SMAD9: variants seen among roughly 807,000 people sequenced by gnomAD.
The protein encoded by SMAD9 is SMAD family member 9.
A neutral mutation model predicts 46.1 loss-of-function variants in SMAD9; 36 were observed. That is an observed-to-expected ratio of 0.78 (90% CI 0.60 to 1.03). The LOEUF (loss-of-function observed/expected upper bound fraction) is 1.03. Ranked by LOEUF, SMAD9 falls within the 50% of genes least tolerant of loss-of-function variation. SMAD9 has a pLI of 0.00. For synonymous variants in SMAD9, 245 were observed against 237.1 expected, an observed-to-expected ratio of 1.03 and a Z score of -0.31; for missense variants, 572 against 599.8, an observed-to-expected ratio of 0.95 and a Z score of 0.48.
chr13:36,868,849 C>T (rs569089464), intron 3 of SMAD9, among the ~76,000 whole-genome samples: 2 of 152,082 alleles, frequency 1.3e-5, no homozygotes, highest in Non-Finnish European at 2.9e-5. Context: ...TTACTAGAGC[C>T]AAAAGGTGGG....
At chr13:36,864,301 C>G (rs139238428) in intron 5 of SMAD9, among the ~76,000 whole-genome samples, 1 of 152,192 alleles carries the variant, frequency 6.6e-6, no homozygotes, top group African/African-American at 2.4e-5. Context: ...TCACCACCAT[C>G]TTCTCCAGCT....
At chr13:36,885,690 G>C (rs750175840) in intron 1 of SMAD9, among the ~76,000 whole-genome samples, 2 of 151,688 alleles carry the variant, frequency 1.3e-5, no homozygotes, top group Non-Finnish European at 2.9e-5. Context: ...CAGAGACAGG[G>C]GAGCTCTATC....
intron 6 of SMAD9, chr13:36,851,675 A>G (rs1214151829): frequency 3.3e-6 from 3 of 906,514 alleles, no homozygotes; most frequent in Non-Finnish European, 4.0e-6. Flanking sequence ...AGAAACCTTA[A>G]AGAGATCTGA....
At chr13:36,916,472 A>C (rs1211011605) in intron 1 of SMAD9, among the ~76,000 whole-genome samples, 4 of 152,212 alleles carry the variant, frequency 2.6e-5, no homozygotes, top group Non-Finnish European at 5.9e-5. Flanking sequence ...GCTCAGATTC[A>C]ACACCAGCTT....
chr13:36,864,734 A>G (rs988646616), intron 5 of SMAD9, among the ~76,000 whole-genome samples: 1 of 152,210 alleles, frequency 6.6e-6, no homozygotes, highest in African/African-American at 2.4e-5. Context: ...GAATATTAGA[A>G]TGCATCACCA....
intron 6 of SMAD9, chr13:36,851,583 G>C (rs57098017): frequency 5.1e-6 from 1 of 194,616 alleles, no homozygotes; most frequent in Non-Finnish European, 9.4e-6. Context: ...CATGTCCCAC[G>C]TGCCTGGCCT....
chr13:36,899,687 G>A (rs2058557899), intron 1 of SMAD9, among the ~76,000 whole-genome samples: 1 of 152,186 alleles, frequency 6.6e-6, no homozygotes, highest in African/African-American at 2.4e-5. Context: ...TGGGTTCAGG[G>A]TCTGGAGCTC....
chr13:36,861,829 T>A (rs1474488858), intron 5 of SMAD9, among the ~76,000 whole-genome samples: 1 of 151,424 alleles, frequency 6.6e-6, no homozygotes, highest in African/African-American at 2.4e-5. Flanking sequence ...CTCAGGAGGC[T>A]GAGACAGGAG....
intron 1 of SMAD9, among the ~76,000 whole-genome samples, chr13:36,918,512 T>C (rs1218225302): frequency 6.6e-6 from 1 of 152,220 alleles, no homozygotes; most frequent in African/African-American, 2.4e-5. Flanking sequence ...CCACTAAAAG[T>C]TGTTTTTCGG....
chr13:36,890,891 A>AG (rs1440041976), intron 1 of SMAD9, among the ~76,000 whole-genome samples: 7 of 151,956 alleles, frequency 4.6e-5, no homozygotes, highest in African/African-American at 1.7e-4. Flanking sequence ...CTGGTGGCAG[A>AG]GCAGGAACAG....
At chr13:36,903,802 T>C (rs1279163684) in intron 1 of SMAD9, among the ~76,000 whole-genome samples, 1 of 152,186 alleles carries the variant, frequency 6.6e-6, no homozygotes, top group Non-Finnish European at 1.5e-5. Flanking sequence ...ACATCACTTT[T>C]AGTCAAATTA....
At position 36,885,075 on chromosome 13, in the gene SMAD9, G is replaced by T. The variant is rs1248279418; in HGVS notation, c.-186-5200C>A. ...CCATGACCAGCATTAAGTATACCTT[G>T]GTATCTATAAGACAGTTTACTAACC... On this transcript the variant is annotated intron_variant, in intron 1 of 6. Coordinates refer to ENST00000379826, the MANE Select transcript of SMAD9 (RefSeq NM_001127217.3). Among the ~76,000 whole-genome samples the T allele has an allele frequency of 4.6e-5, 7 of 152,208 alleles. No homozygotes were observed. In the East Asian group the frequency reaches 1.3e-3, roughly 29 times the overall value.
At chr13:36,885,458 C>G (rs1167081890) in intron 1 of SMAD9, among the ~76,000 whole-genome samples, 1 of 152,028 alleles carries the variant, frequency 6.6e-6, no homozygotes. Context: ...CCCATATGTC[C>G]CAAATGAGTA....
chr13:36,914,910 G>C (rs746771624), intron 1 of SMAD9, among the ~76,000 whole-genome samples: 1 of 152,194 alleles, frequency 6.6e-6, no homozygotes, highest in African/African-American at 2.4e-5. Context: ...AAATCCTTTA[G>C]AATGACATTA....
At chr13:36,911,243 C>G (rs1044315183) in intron 1 of SMAD9, among the ~76,000 whole-genome samples, 4 of 152,072 alleles carry the variant, frequency 2.6e-5, no homozygotes, top group African/African-American at 9.7e-5. Context: ...CTCCTGGGCT[C>G]AAGCAATCTG....
chr13:36,862,444 C>T (rs535682962), intron 5 of SMAD9, among the ~76,000 whole-genome samples: 1 of 151,760 alleles, frequency 6.6e-6, no homozygotes, highest in South Asian at 2.1e-4. Context: ...CTAAAAGACA[C>T]TCCCACTAGC....
chr13:36,902,663 G>C (rs1157607555), intron 1 of SMAD9, among the ~76,000 whole-genome samples: 2 of 151,980 alleles, frequency 1.3e-5, no homozygotes, highest in East Asian at 3.9e-4. Context: ...TCACCATGTT[G>C]GCCAGGCTGG....
chr13:36,893,423 TATATAAATATAA>T (rs60866437), intron 1 of SMAD9, among the ~76,000 whole-genome samples: 1 of 147,398 alleles, frequency 6.8e-6, no homozygotes, highest in African/African-American at 2.5e-5. Context: ...CACAGATATA[TATATAAATATAA>T]ATATAAATAT....
chr13:36,879,126 G>C (rs2058375065), intron 2 of SMAD9, 152 bp downstream of exon 2: 1 of 690,644 alleles, frequency 1.4e-6, no homozygotes, highest in Non-Finnish European at 2.4e-6. Context: ...CAAAATTTTG[G>C]ACGAGTCCCT....
Sources: gnomAD v4.1 joint callset for allele counts (sites outside exome capture counted in the v4.1 genomes callset) on GRCh38, gnomAD v4.1.1 for gene constraint, MANE v1.5 for transcripts, NCBI Gene and HGNC (gene_info 2026-07-23, HGNC 2026-07-21) for gene names.